LHPP: variants seen among roughly 807,000 people sequenced by gnomAD.
LHPP encodes the protein phospholysine phosphohistidine inorganic pyrophosphate phosphatase.
In LHPP, 24 loss-of-function variants were observed where a neutral mutation model predicts 30.3. The observed-to-expected ratio is 0.79, with a 90% confidence interval of 0.57 to 1.11. The LOEUF (loss-of-function observed/expected upper bound fraction) is 1.11, where lower values mean the gene tolerates loss of function less well. LHPP is among the 50% of genes most tolerant of loss of function. The pLI is 0.00. For synonymous variants in LHPP, 150 were observed against 157.1 expected (o/e 0.95, Z 0.34); for missense variants, 356 against 367.2 (o/e 0.97, Z 0.25).
chr10:124,551,721 G>C (rs144337552), intron 6 of LHPP, among the ~76,000 whole-genome samples: 1 of 152,018 alleles, frequency 6.6e-6, no homozygotes, highest in African/African-American at 2.4e-5. Flanking sequence ...CCGGCCCCCC[G>C]GGAAGAAGAC....
chr10:124,484,419 C>G, intron 2 of LHPP, 93 bp downstream of exon 2: 1 of 1,232,858 alleles, frequency 8.1e-7, no homozygotes, highest in Non-Finnish European at 1.2e-6. Context: ...CTGGGCCAAA[C>G]CACTGACTGA....
intron 6 of LHPP, among the ~76,000 whole-genome samples, chr10:124,544,015 G>A (rs1388160536): frequency 6.6e-6 from 1 of 152,210 alleles, no homozygotes; most frequent in African/African-American, 2.4e-5. Flanking sequence ...TTCCTCTCCT[G>A]GGACAGTGAT....
intron 6 of LHPP, among the ~76,000 whole-genome samples, chr10:124,564,813 G>A (rs947709930): frequency 6.6e-6 from 1 of 152,190 alleles, no homozygotes; most frequent in African/African-American, 2.4e-5. Context: ...ACATTTTTAG[G>A]ATGGAAAAGT....
intron 5 of LHPP, among the ~76,000 whole-genome samples, chr10:124,506,295 G>A (rs957913562): frequency 9.8e-6 from 1 of 101,786 alleles, no homozygotes; most frequent in African/African-American, 4.0e-5. Flanking sequence ...TCTCAACCTC[G>A]ACACTTGGTG....
intron 6 of LHPP, among the ~76,000 whole-genome samples, chr10:124,560,818 T>C (rs1190093111): frequency 1.3e-5 from 2 of 152,184 alleles, no homozygotes; most frequent in Non-Finnish European, 2.9e-5. Flanking sequence ...AGACACATGA[T>C]GCTTCTTCAC....
At chr10:124,556,066 A>G (rs6597843) in intron 6 of LHPP, among the ~76,000 whole-genome samples, 151,318 of 152,352 alleles carry the variant, frequency 0.99, 75,157 homozygotes, top group East Asian at 1. Flanking sequence ...CAGTTATGAG[A>G]TGGCAGAGGT....
At chr10:124,514,844 C>T (rs1954405770) in intron 5 of LHPP, among the ~76,000 whole-genome samples, 4 of 150,866 alleles carry the variant, frequency 2.7e-5, no homozygotes, top group Admixed American at 1.3e-4. Flanking sequence ...CTCTGTCGCT[C>T]AGGCTGGAGT....
intron 6 of LHPP, among the ~76,000 whole-genome samples, chr10:124,546,378 C>A (rs182501308): frequency 1.3e-5 from 2 of 152,292 alleles, no homozygotes; most frequent in African/African-American, 4.8e-5. Context: ...ACTGAATGAT[C>A]TCATGTGGTT....
rs1207214303 is a variant in LHPP at position 124,544,095 on chromosome 10, C to T, written c.716+26824C>T. Among the ~76,000 whole-genome samples the T allele has an allele frequency of 7.2e-5, 11 of 152,328 alleles. No homozygotes were observed. In the East Asian group the frequency reaches 2.1e-3, roughly 29 times the overall value. ...TGGTGACAGCAGTGGGGTGACCCTG[C>T]GAGGCCCCTCGGATGGCTGATGCTG... On this transcript the variant is annotated intron_variant, in intron 6 of 6. Coordinates refer to ENST00000368842, the MANE Select transcript of LHPP (RefSeq NM_022126.4).
intron 3 of LHPP, among the ~76,000 whole-genome samples, chr10:124,493,495 CT>C (rs1315974132): frequency 6.6e-6 from 1 of 152,212 alleles, no homozygotes; most frequent in African/African-American, 2.4e-5. Context: ...CATTTGGCAT[CT>C]GTTTGGACCC....
chr10:124,533,652 G>C (rs1270525079), intron 6 of LHPP, among the ~76,000 whole-genome samples: 1 of 152,244 alleles, frequency 6.6e-6, no homozygotes, highest in Non-Finnish European at 1.5e-5. Context: ...ACCCCCGTGT[G>C]AGTGGACAAA....
At chr10:124,463,820 CTT>C (rs35122241) in intron 1 of LHPP, among the ~76,000 whole-genome samples, 66,738 of 120,120 alleles carry the variant, frequency 0.56, 18,697 homozygotes, top group East Asian at 0.83. Context: ...ATTTTTTTTT[CTT>C]TTTTTTTTTT....
At chr10:124,568,212 C>T (rs1469755712) in intron 6 of LHPP, among the ~76,000 whole-genome samples, 1 of 152,212 alleles carries the variant, frequency 6.6e-6, no homozygotes, top group Non-Finnish European at 1.5e-5. Flanking sequence ...CCATGCCCGG[C>T]TGGTTCTTAT....
chr10:124,573,638 G>A (rs1948617606), intron 6 of LHPP, among the ~76,000 whole-genome samples: 1 of 152,166 alleles, frequency 6.6e-6, no homozygotes, highest in Non-Finnish European at 1.5e-5. Flanking sequence ...ACAAACATAT[G>A]CTTCTGTATA....
chr10:124,540,445 C>T lies in LHPP; in HGVS notation c.716+23174C>T, dbSNP rs1042810390. Reference sequence around the variant, plus strand: ...CTTTTCACCACTGCCTGGAGCCGCTCGCCCACCAACCCCACTGACGGCTCT... The same window carrying T: ...CTTTTCACCACTGCCTGGAGCCGCTTGCCCACCAACCCCACTGACGGCTCT... On this transcript the variant is annotated intron_variant, in intron 6 of 6. Coordinates refer to ENST00000368842, the MANE Select transcript of LHPP (RefSeq NM_022126.4). Among the ~76,000 whole-genome samples the T allele has an allele frequency of 3.9e-5, 6 of 152,368 alleles. No individual in the cohort carries two copies. In the South Asian group the frequency reaches 6.2e-4, roughly 16 times the overall value.
At chr10:124,468,466 T>C (rs1054615037) in intron 1 of LHPP, among the ~76,000 whole-genome samples, 1 of 152,184 alleles carries the variant, frequency 6.6e-6, no homozygotes, top group Non-Finnish European at 1.5e-5. Flanking sequence ...TGGGAGGTTT[T>C]GTTATTGTGC....
At position 124,613,706 on chromosome 10, in the gene LHPP, C is replaced by T. The variant is rs1285939435; in HGVS notation, c.*346C>T. 19 of 371,224 alleles carry T rather than the reference C, an allele frequency of 5.1e-5. No individual in the cohort carries two copies. In the Admixed American group the frequency reaches 7.6e-4, roughly 15 times the overall value. The allele number at this position is 371,224 out of a possible 1,614,324, so 23.0% of individuals were successfully genotyped here. ...CTCCCAAATCCCAGAACTCACCACT[C>T]ACCATGGGCCTTTAAATGCAGTAAA... is the stretch of plus-strand genomic sequence containing the variant. On this transcript the variant is annotated 3_prime_UTR_variant, in exon 7 of 7. Transcript: ENST00000368842.
rs1308693107 is a variant in LHPP at position 124,471,474 on chromosome 10, A to ATG, written c.125+9488_125+9489insGT. 5.2e-5 allele frequency among the ~76,000 whole-genome samples: 2 copies of ATG among 38,198 alleles called. 1 individual carries two copies. Among genetic ancestry groups the ATG allele is most frequent in the Non-Finnish European group, 9.8e-5 (2 of 20,494 alleles). The allele number at this position is 38,198 out of a possible 152,430, so 25.1% of individuals were successfully genotyped here. ...ATATATTTATATATATTTATATATTATATATATTTATATATTTATATATAT... is the reference window on the plus strand; with the variant it reads ...ATATATTTATATATATTTATATATTATGTATATATTTATATATTTATATATAT... On this transcript the variant is annotated intron_variant, in intron 1 of 6. Coordinates refer to ENST00000368842, the MANE Select transcript of LHPP (RefSeq NM_022126.4).
At chr10:124,557,829 C>T (rs1443586165) in intron 6 of LHPP, among the ~76,000 whole-genome samples, 3 of 152,058 alleles carry the variant, frequency 2.0e-5, no homozygotes. Flanking sequence ...GTAGGGATCC[C>T]ACCTGGGGGT....
Sources: allele counts gnomAD v4.1 joint callset (sites outside exome capture counted in the v4.1 genomes callset), GRCh38; gene constraint gnomAD v4.1.1; transcripts MANE v1.5; gene names NCBI Gene and HGNC (gene_info 2026-07-23, HGNC 2026-07-21).